COBLL1: variants seen among roughly 807,000 people sequenced by gnomAD.
The protein encoded by COBLL1 is cordon-bleu protein-like 1.
In COBLL1, 50 loss-of-function variants were observed where a neutral mutation model predicts 94.8. The observed-to-expected ratio is 0.53, with a 90% CI of 0.42 to 0.67. The LOEUF (loss-of-function observed/expected upper bound fraction) is 0.67, where lower values mean the gene tolerates loss of function less well. Ranked by LOEUF, COBLL1 falls within the 30% of genes least tolerant of loss-of-function variation. COBLL1 has a pLI of 0.00. For missense variants in COBLL1, 1,362 were observed against 1,348.7 expected, an observed-to-expected ratio of 1.01 and a Z score of -0.15; for synonymous variants, 448 against 473.8, an observed-to-expected ratio of 0.95 and a Z score of 0.71.
chr2:164,715,885 T>C (rs553986212), intron 7 of COBLL1, among the ~76,000 whole-genome samples: 7 of 152,244 alleles, frequency 4.6e-5, no homozygotes, highest in Admixed American at 3.9e-4. Flanking sequence ...GCCATCCCCG[T>C]AGCCAGGAGA....
Position 164,838,493 on chromosome 2 carries a change from G to A in COBLL1, c.41+2663C>T, listed in dbSNP as rs551647051. Among the ~76,000 whole-genome samples, 26 of 152,210 alleles carry A rather than the reference G, an allele frequency of 1.7e-4. No homozygotes were observed. In the East Asian group the frequency reaches 3.3e-3, roughly 19 times the overall value. On this transcript the variant is annotated intron_variant, in intron 2 of 13. Coordinates refer to ENST00000652658, the MANE Select transcript of COBLL1 (RefSeq NM_001365672.2). ...GTTAATGGTTAAATATAAGTTATCC[G>A]TTAAAATGTATAACGTCATGGTATG...
intron 2 of COBLL1, among the ~76,000 whole-genome samples, chr2:164,786,841 C>T (rs1036696429): frequency 6.6e-6 from 1 of 152,098 alleles, no homozygotes; most frequent in African/African-American, 2.4e-5. Flanking sequence ...TTTTCTATGA[C>T]AGCATCCTCT....
intron 2 of COBLL1, among the ~76,000 whole-genome samples, chr2:164,757,204 T>C (rs910067965): frequency 6.6e-6 from 1 of 152,190 alleles, no homozygotes; most frequent in Admixed American, 6.5e-5. Flanking sequence ...CTTAATGATA[T>C]ACCTTCATTG....
chr2:164,804,363 C>A (rs960717904), intron 2 of COBLL1, among the ~76,000 whole-genome samples: 1 of 151,556 alleles, frequency 6.6e-6, no homozygotes, highest in Admixed American at 6.6e-5. Flanking sequence ...TGTATTCATG[C>A]GTGCTTTTTT....
At chr2:164,780,809 G>A (rs550452565) in intron 2 of COBLL1, among the ~76,000 whole-genome samples, 1 of 152,178 alleles carries the variant, frequency 6.6e-6, no homozygotes, top group African/African-American at 2.4e-5. Context: ...GTAGGCGACA[G>A]ACAGAGTGTA....
At chr2:164,704,127 GGT>G (rs960632092) in intron 9 of COBLL1, among the ~76,000 whole-genome samples, 5 of 152,000 alleles carry the variant, frequency 3.3e-5, no homozygotes, top group African/African-American at 1.2e-4. Context: ...TCCTAATTAC[GGT>G]GTGTCATTAC....
chr2:164,699,635 T>A (rs892246426), intron 10 of COBLL1, 136 bp from the exon 11 acceptor site: 2 of 527,982 alleles, frequency 3.8e-6, no homozygotes, highest in African/African-American at 3.8e-5. Context: ...AATCATTTAT[T>A]TCTGCCAAAC....
chr2:164,840,946 G>T, intron 2 of COBLL1: 1 of 430,372 alleles, frequency 2.3e-6, no homozygotes, highest in Non-Finnish European at 3.9e-6. Flanking sequence ...GCCCCGGTAG[G>T]AAGGCAACCA....
chr2:164,679,118 ATGCACTGTTG>A (rs763070477), downstream of COBLL1, among the ~76,000 whole-genome samples: 11 of 152,078 alleles, frequency 7.2e-5, no homozygotes, highest in Non-Finnish European at 1.5e-4. Context: ...GGGACATCTC[ATGCACTGTTG>A]GATTATGTTT....
At chr2:164,706,372 G>A (rs2105460200) in intron 7 of COBLL1, among the ~76,000 whole-genome samples, 1 of 152,284 alleles carries the variant, frequency 6.6e-6, no homozygotes, top group South Asian at 2.1e-4. Context: ...CAACACTGGT[G>A]TGACACAGAG....
At chr2:164,691,639 T>C (rs952490060) in intron 13 of COBLL1, among the ~76,000 whole-genome samples, 1 of 152,174 alleles carries the variant, frequency 6.6e-6, no homozygotes, top group Non-Finnish European at 1.5e-5. Context: ...CTTGGGTGTT[T>C]TTCCTGAGAA....
chr2:164,721,000 A>C (rs1327436527), intron 7 of COBLL1, among the ~76,000 whole-genome samples: 1 of 152,258 alleles, frequency 6.6e-6, no homozygotes, highest in Admixed American at 6.5e-5. Context: ...GAAACTTAAT[A>C]GATAATTTTC....
At position 164,841,241 on chromosome 2, in the gene COBLL1, T is replaced by A. The variant is rs1574687561; in HGVS notation, c.-45A>T. 1 of 1,228,750 alleles carries A rather than the reference T, an allele frequency of 8.1e-7. No individual in the cohort carries two copies. Among genetic ancestry groups the A allele is most frequent in the Non-Finnish European group, 1.0e-6 (1 of 986,792 alleles). 76.1% of individuals were successfully genotyped at this position (1,228,750 alleles called of 1,614,324 possible). A position where few individuals can be genotyped will look rare whatever the true frequency, so the allele number is the denominator to read the frequency against. On this transcript the variant is annotated 5_prime_UTR_variant, in exon 2 of 14. Coordinates refer to ENST00000652658, the MANE Select transcript of COBLL1 (RefSeq NM_001365672.2). This position sits in a 1 kb window ranked among gnomAD's most constrained non-coding sequence, Gnocchi z 5.5. ...CGGGCTCCAGCTCCCAGGCGGCGCG[T>A]CACTGCTGGGGTGGGAGAGGCCGGC...
At chr2:164,722,736 T>G (rs557970435) in intron 5 of COBLL1, 1 of 279,698 alleles carries the variant, frequency 3.6e-6, no homozygotes, top group African/African-American at 2.2e-5. Flanking sequence ...CTTAAAAAAC[T>G]AAGATACATA....
intron 12 of COBLL1, among the ~76,000 whole-genome samples, chr2:164,693,003 G>A (rs1345957483): frequency 6.6e-6 from 1 of 152,038 alleles, no homozygotes; most frequent in Non-Finnish European, 1.5e-5. Flanking sequence ...CCAAACTGAA[G>A]ACTAAAAAAT....
At chr2:164,827,221 T>C (rs983740793) in intron 2 of COBLL1, among the ~76,000 whole-genome samples, 1 of 152,192 alleles carries the variant, frequency 6.6e-6, no homozygotes, top group African/African-American at 2.4e-5. Flanking sequence ...AGTGCTGGGA[T>C]TGCAGGCATA....
intron 7 of COBLL1, among the ~76,000 whole-genome samples, chr2:164,705,882 A>C (rs1286360962): frequency 6.6e-6 from 1 of 152,122 alleles, no homozygotes; most frequent in Non-Finnish European, 1.5e-5. Flanking sequence ...AAAAATAAAA[A>C]AATTAGCCAG....
intron 3 of COBLL1, among the ~76,000 whole-genome samples, chr2:164,733,785 T>C (rs2105530635): frequency 6.6e-6 from 1 of 152,334 alleles, no homozygotes; most frequent in Non-Finnish European, 1.5e-5. Flanking sequence ...TACAGTAATA[T>C]GCCCAATGGA....
At chr2:164,826,964 T>C (rs1208259043) in intron 2 of COBLL1, among the ~76,000 whole-genome samples, 1 of 152,110 alleles carries the variant, frequency 6.6e-6, no homozygotes, top group Non-Finnish European at 1.5e-5. Flanking sequence ...TTTGTTTGTT[T>C]GTTTGAGACA....
Sources: gnomAD v4.1 joint callset for allele counts (sites outside exome capture counted in the v4.1 genomes callset) on GRCh38, gnomAD v4.1.1 for gene constraint, Gnocchi (gnomAD v3.1) non-coding constraint, MANE v1.5 for transcripts, NCBI Gene and HGNC (gene_info 2026-07-23, HGNC 2026-07-21) for gene names.